ANGPT4: variants seen among roughly 807,000 people sequenced by gnomAD.
ANGPT4 encodes angiopoietin 4.
In ANGPT4, 50 loss-of-function variants were observed where a neutral mutation model predicts 53.0. That is an observed-to-expected ratio of 0.94 (90% CI 0.75 to 1.20). ANGPT4 has a LOEUF of 1.20. ANGPT4 is among the 50% of genes most tolerant of loss of function. ANGPT4 has a pLI of 0.00. For synonymous variants in ANGPT4, 251 were observed against 259.7 expected (o/e 0.97, Z 0.32); for missense variants, 648 against 637.1 (o/e 1.02, Z -0.18).
At chr20:890,851 C>CA (rs11482512) in intron 1 of ANGPT4, among the ~76,000 whole-genome samples, 6,456 of 152,290 alleles carry the variant, frequency 0.042, 145 homozygotes, top group Middle Eastern at 0.075. Context: ...CATGTGCCCA[C>CA]AGCTGTTCCC....
intron 1 of ANGPT4, among the ~76,000 whole-genome samples, chr20:909,875 A>G (rs1307674287): frequency 6.6e-6 from 1 of 152,190 alleles, no homozygotes; most frequent in Admixed American, 6.5e-5. Flanking sequence ...GGAGCCCCTT[A>G]GCTTTTCAGA....
chr20:887,241 T>C (rs1295121551), intron 3 of ANGPT4, among the ~76,000 whole-genome samples: 1 of 152,124 alleles, frequency 6.6e-6, no homozygotes, highest in Non-Finnish European at 1.5e-5. Flanking sequence ...ACACTGAAAT[T>C]CTAGAATTCC....
chr20:915,771 C>G, intron 1 of ANGPT4, 135 bp downstream of exon 1: 2 of 1,160,454 alleles, frequency 1.7e-6, no homozygotes, highest in Non-Finnish European at 2.4e-6. Flanking sequence ...TCAGACCCAC[C>G]CCTGCCCCTC....
At chr20:893,979 C>A (rs1981947694) in intron 1 of ANGPT4, among the ~76,000 whole-genome samples, 1 of 144,422 alleles carries the variant, frequency 6.9e-6, no homozygotes, top group Non-Finnish European at 1.5e-5. Flanking sequence ...CCAGGAGATT[C>A]TTTTTTTTTT....
intron 1 of ANGPT4, among the ~76,000 whole-genome samples, chr20:906,381 T>C (rs1982480982): frequency 6.6e-6 from 1 of 152,184 alleles, no homozygotes; most frequent in East Asian, 1.9e-4. Flanking sequence ...CCCTAGCTGA[T>C]ACCTGAGTGC....
intron 3 of ANGPT4, among the ~76,000 whole-genome samples, chr20:886,182 T>A (rs1981613792): frequency 6.6e-6 from 1 of 152,252 alleles, no homozygotes; most frequent in African/African-American, 2.4e-5. Context: ...GACTCAGCTC[T>A]TTCTTTTTGG....
At chr20:905,356 C>G (rs117063491) in intron 1 of ANGPT4, among the ~76,000 whole-genome samples, 76 of 152,216 alleles carry the variant, frequency 5.0e-4, no homozygotes, top group Middle Eastern at 3.4e-3. Context: ...GAGAGGTCCT[C>G]GATAAATATT....
chr20:887,377 G>C (rs969991788), intron 3 of ANGPT4, among the ~76,000 whole-genome samples: 1 of 152,150 alleles, frequency 6.6e-6, no homozygotes, highest in Middle Eastern at 3.2e-3. Context: ...CCTTGGGTTG[G>C]GAGAATAAGA....
At chr20:884,875 T>C (rs1038314942) in intron 4 of ANGPT4, among the ~76,000 whole-genome samples, 1 of 152,178 alleles carries the variant, frequency 6.6e-6, no homozygotes, top group Non-Finnish European at 1.5e-5. Context: ...AGGTCACCCA[T>C]GGAATCAGGG....
Position 894,289 on chromosome 20 carries a change from C to T in ANGPT4, c.310-3921G>A, listed in dbSNP as rs183786190. ...CTAGGCTTAGGGATTCTAAGTTGGC[C>T]TAGGAAATCCAGCTAGCCCTGTCTC... On this transcript the variant is annotated intron_variant, in intron 1 of 8. Transcript: ENST00000381922. Among the ~76,000 whole-genome samples, 152 of 152,270 alleles carry T rather than the reference C, an allele frequency of 1.0e-3. 1 individual carries two copies. In the East Asian group the frequency reaches 0.025, roughly 25 times the overall value.
At position 908,400 on chromosome 20, in the gene ANGPT4, G is replaced by T. The variant is rs974138928; in HGVS notation, c.309+7506C>A. Among the ~76,000 whole-genome samples the T allele has an allele frequency of 6.6e-6, 1 of 152,158 alleles. No homozygotes were observed. Among genetic ancestry groups the T allele is most frequent in the Non-Finnish European group, 1.5e-5 (1 of 68,028 alleles). On this transcript the variant is annotated intron_variant, in intron 1 of 8. Transcript: ENST00000381922. The surrounding 1 kb of genome is among the most constrained non-coding windows in gnomAD (Gnocchi z 4.9). ...TGTCCCGTGTGCCTGGAATGCTTTT[G>T]CTTCCTTTCCCTGTCTCGCCACTGC...
chr20:912,039 T>G (rs1245079167), intron 1 of ANGPT4, among the ~76,000 whole-genome samples: 1 of 151,836 alleles, frequency 6.6e-6, no homozygotes, highest in Non-Finnish European at 1.5e-5. Flanking sequence ...GCTCAGAGAC[T>G]GGGGAAGATG....
intron 1 of ANGPT4, among the ~76,000 whole-genome samples, chr20:895,271 G>A (rs529104815): frequency 6.6e-5 from 10 of 152,270 alleles, no homozygotes; most frequent in Non-Finnish European, 8.8e-5. Flanking sequence ...TCAGGCTGCC[G>A]AATTCTCAGG....
intron 1 of ANGPT4, among the ~76,000 whole-genome samples, chr20:902,604 T>C (rs1982328455): frequency 6.6e-6 from 1 of 152,204 alleles, no homozygotes; most frequent in African/African-American, 2.4e-5. Flanking sequence ...AATACAGAAA[T>C]AATATAGGAC....
intron 8 of ANGPT4, among the ~76,000 whole-genome samples, chr20:873,872 T>A (rs1981050184): frequency 6.6e-6 from 1 of 152,154 alleles, no homozygotes; most frequent in Non-Finnish European, 1.5e-5. Context: ...CTTCCTGTTC[T>A]CTGACCTCTG....
Position 885,174 on chromosome 20 carries a change from T to G in ANGPT4, c.739A>C (p.Asn247His). 6.2e-7 allele frequency: 1 copy of G among 1,608,236 alleles called. No individual in the cohort carries two copies. The highest frequency in any genetic ancestry group is 8.5e-7 in the Non-Finnish European group (1 of 1,177,548). ...TGCTGGTCCTGCAGGAGGCTGGAGT[T>G]GTGCCTGACACCGCGCAGGCCGCGC... ...IERGLRGVRH[N>H]SSLLQDQQHS... The change falls in exon 4 of 9, where the codon AAC (asparagine) becomes CAC (histidine). Residue 247 changes from asparagine (N) to histidine (H), a missense_variant. By Grantham distance (68) the Asn-to-His change is moderately conservative. Coordinates refer to ENST00000381922, the MANE Select transcript of ANGPT4 (RefSeq NM_015985.4).
chr20:883,771 C>T (rs1981500256), intron 4 of ANGPT4, among the ~76,000 whole-genome samples: 5 of 152,216 alleles, frequency 3.3e-5, no homozygotes, highest in Admixed American at 3.3e-4. Context: ...GGGCCCAGGC[C>T]CTGTGCCTTG....
chr20:898,603 G>A (rs955752145), intron 1 of ANGPT4, among the ~76,000 whole-genome samples: 5 of 152,066 alleles, frequency 3.3e-5, no homozygotes, highest in Middle Eastern at 3.2e-3. Flanking sequence ...ATGAGATTCC[G>A]GCCCTCAAAC....
rs529824234 is a variant in ANGPT4, at chr20:911,685, C to T, written c.309+4221G>A. Among the ~76,000 whole-genome samples the T allele has an allele frequency of 1.6e-4, 24 of 152,166 alleles. No homozygotes were observed. Among genetic ancestry groups the T allele is most frequent in the Middle Eastern group, 3.4e-3 (1 of 294 alleles). On this transcript the variant is annotated intron_variant, in intron 1 of 8. Transcript: ENST00000381922. The surrounding 1 kb of genome is among the most constrained non-coding windows in gnomAD (Gnocchi z 4.9). ...TAGAGACAGGCTGACCACAGTGGCT[C>T]GTGTCCGCCGTCCCAGCTACTTGGA...
Sources: gnomAD v4.1 joint callset for allele counts (sites outside exome capture counted in the v4.1 genomes callset) on GRCh38, gnomAD v4.1.1 for gene constraint, Gnocchi (gnomAD v3.1) non-coding constraint, MANE v1.5 for transcripts, NCBI Gene and HGNC (gene_info 2026-07-23, HGNC 2026-07-21) for gene names.